The following PDSS2 variants were observed in gnomAD, a reference collection of about 807,000 sequenced individuals.
The protein encoded by PDSS2 is all trans-polyprenyl-diphosphate synthase PDSS2.
A neutral mutation model predicts 44.5 loss-of-function variants in PDSS2; 31 were observed. The ratio of observed to expected loss-of-function variants is 0.70; its 90% confidence interval spans 0.52 to 0.94. PDSS2 has a LOEUF of 0.94. PDSS2 is among the 40% of genes least tolerant of loss of function. The probability of loss-of-function intolerance (pLI) is 0.00; values close to 1 mark genes in which losing one functional copy is unlikely to be tolerated. For missense variants in PDSS2, 452 were observed against 482.2 expected (o/e 0.94, Z 0.59); for synonymous variants, 157 against 180.3 (o/e 0.87, Z 1.03).
intron 3 of PDSS2, among the ~76,000 whole-genome samples, chr6:107,263,986 C>T (rs1014984498): frequency 6.6e-6 from 1 of 152,152 alleles, no homozygotes; most frequent in Non-Finnish European, 1.5e-5. Flanking sequence ...AAAATATTAA[C>T]CTTGGGTGTC....
intron 2 of PDSS2, among the ~76,000 whole-genome samples, chr6:107,299,146 C>CAAAAAAAAA (rs71991148): frequency 1.7e-4 from 9 of 53,470 alleles, no homozygotes; most frequent in Admixed American, 1.2e-3. Context: ...GACCCTGTCT[C>CAAAAAAAAA]AAAAAAAAAA....
At chr6:107,245,669 A>T in intron 3 of PDSS2, 50 bp from the exon 4 acceptor site, 1 of 1,141,132 alleles carries the variant, frequency 8.8e-7, no homozygotes, top group South Asian at 1.4e-5. Context: ...ATATATCTCT[A>T]TTGTTACCTC....
intron 1 of PDSS2, among the ~76,000 whole-genome samples, chr6:107,449,191 C>G (rs1289493784): frequency 6.6e-6 from 1 of 152,210 alleles, no homozygotes; most frequent in Non-Finnish European, 1.5e-5. Context: ...AAAACACTTA[C>G]TATTCTCCAT....
At chr6:107,419,323 A>G (rs1429045574) in intron 1 of PDSS2, among the ~76,000 whole-genome samples, 1 of 152,218 alleles carries the variant, frequency 6.6e-6, no homozygotes, top group Non-Finnish European at 1.5e-5. Context: ...GTTGCATCCC[A>G]GTTTAACTGA....
At chr6:107,162,361 C>T (rs963508817) in intron 7 of PDSS2, among the ~76,000 whole-genome samples, 5 of 151,560 alleles carry the variant, frequency 3.3e-5, no homozygotes, top group Non-Finnish European at 5.9e-5. Flanking sequence ...GGTATGGTGG[C>T]GTGCACCTGT....
At chr6:107,310,558 CA>C (rs577455883) in intron 2 of PDSS2, among the ~76,000 whole-genome samples, 103 of 152,292 alleles carry the variant, frequency 6.8e-4, no homozygotes, top group Middle Eastern at 3.4e-3. Flanking sequence ...CCATCCCATT[CA>C]GCGTCCAAAG....
intron 1 of PDSS2, among the ~76,000 whole-genome samples, chr6:107,368,928 C>A (rs1779045781): frequency 6.6e-6 from 1 of 152,088 alleles, no homozygotes; most frequent in Non-Finnish European, 1.5e-5. Context: ...TACGATAAAG[C>A]TACAGTAATT....
intron 3 of PDSS2, among the ~76,000 whole-genome samples, chr6:107,264,844 G>A (rs930715433): frequency 1.3e-5 from 2 of 152,164 alleles, no homozygotes; most frequent in African/African-American, 4.8e-5. Context: ...ACAGCATCCA[G>A]TGATGTTCTA....
Position 107,274,072 on chromosome 6 carries a change from A to G in PDSS2, c.587T>C (p.Leu196Pro). 1 of 1,614,138 alleles carries G rather than the reference A, an allele frequency of 6.2e-7. No homozygotes were observed. Among genetic ancestry groups the G allele is most frequent in the Non-Finnish European group, 8.5e-7 (1 of 1,179,988 alleles). Reference sequence around the variant, plus strand: ...AGCTAGTCCATTGCAGGCATTTGCTAGAAGAAAGTCTCCACTCAGGATAGC... The same window carrying G: ...AGCTAGTCCATTGCAGGCATTTGCTGGAAGAAAGTCTCCACTCAGGATAGC... ...KIAILSGDFLLANACNGLALL... is the reference protein window; with the variant it reads ...KIAILSGDFLPANACNGLALL... Residue 196 changes from leucine (L) to proline (P), a missense_variant, in exon 3 of 8, where the codon CTA (leucine) becomes CCA (proline). Leu to Pro is a moderately conservative substitution (Grantham distance 98, BLOSUM62 -3). Coordinates refer to ENST00000369037, the MANE Select transcript of PDSS2 (RefSeq NM_020381.4).
rs548939306 is a variant in PDSS2, at chr6:107,358,615, A to G, written c.297-24283T>C. On this transcript the variant is annotated intron_variant, in intron 1 of 7. Transcript: ENST00000369037. ...GCCAGTAAAAGCCATTGCAGAAATG[A>G]TGAAAAATTTGAGACTGAGGAGAAA... Among the ~76,000 whole-genome samples, 3 of 152,314 alleles carry G rather than the reference A, an allele frequency of 2.0e-5. No homozygotes were observed. In the South Asian group the frequency reaches 6.2e-4, roughly 32 times the overall value.
At chr6:107,443,681 T>C (rs1486698389) in intron 1 of PDSS2, among the ~76,000 whole-genome samples, 1 of 152,200 alleles carries the variant, frequency 6.6e-6, no homozygotes, top group African/African-American at 2.4e-5. Context: ...TACCCCACAC[T>C]ACAATTTTTC....
chr6:107,393,325 T>C (rs995498503), intron 1 of PDSS2, among the ~76,000 whole-genome samples: 2 of 152,196 alleles, frequency 1.3e-5, no homozygotes, highest in Non-Finnish European at 2.9e-5. Flanking sequence ...ATATCTATTA[T>C]AGTGAATTCT....
Position 107,258,713 on chromosome 6 carries a change from G to A in PDSS2, c.631-13094C>T, listed in dbSNP as rs544162295. 4.6e-5 allele frequency among the ~76,000 whole-genome samples: 7 copies of A among 152,234 alleles called. No homozygotes were observed. In the East Asian group the frequency reaches 7.7e-4, roughly 17 times the overall value. ...AGCTACTTGGGAGGCTGAGGCAGGA[G>A]AATCACTTGAACCTTGGAGGCGGAG... On this transcript the variant is annotated intron_variant, in intron 3 of 7. Transcript: ENST00000369037.
At chr6:107,328,174 G>C (rs933053578) in intron 2 of PDSS2, among the ~76,000 whole-genome samples, 4 of 152,154 alleles carry the variant, frequency 2.6e-5, no homozygotes, top group African/African-American at 7.2e-5. Flanking sequence ...AACCACATTT[G>C]GAAGCATATT....
At chr6:107,346,113 TAA>T (rs1778239398) in intron 1 of PDSS2, among the ~76,000 whole-genome samples, 1 of 152,258 alleles carries the variant, frequency 6.6e-6, no homozygotes, top group Non-Finnish European at 1.5e-5. Context: ...ATTTGATTTT[TAA>T]AAGTTACACT....
At chr6:107,392,249 A>G (rs911664511) in intron 1 of PDSS2, among the ~76,000 whole-genome samples, 8 of 152,198 alleles carry the variant, frequency 5.3e-5, no homozygotes, top group African/African-American at 1.7e-4. Flanking sequence ...CTTTGCTTGT[A>G]TGTAAAGAAG....
intron 3 of PDSS2, among the ~76,000 whole-genome samples, chr6:107,263,402 G>A (rs1349699997): frequency 2.6e-5 from 4 of 151,156 alleles, no homozygotes; most frequent in South Asian, 2.1e-4. Context: ...GCAGTGAGCC[G>A]AGACTGAGCC....
chr6:107,404,418 T>C (rs1241610648), intron 1 of PDSS2, among the ~76,000 whole-genome samples: 1 of 152,204 alleles, frequency 6.6e-6, no homozygotes, highest in East Asian at 1.9e-4. Context: ...CAGCCCCTCC[T>C]TCTACCCAGT....
chr6:107,230,636 G>A (rs528936134), intron 4 of PDSS2, among the ~76,000 whole-genome samples: 1 of 151,750 alleles, frequency 6.6e-6, no homozygotes. Flanking sequence ...CTGCTCCAAG[G>A]GTCTCTCACT....
Sources: gnomAD v4.1 joint callset for allele counts (sites outside exome capture counted in the v4.1 genomes callset) on GRCh38, gnomAD v4.1.1 for gene constraint, MANE v1.5 for transcripts, NCBI Gene and HGNC (gene_info 2026-07-23, HGNC 2026-07-21) for gene names.